The following MYCBP2 variants were observed in gnomAD, a reference collection of about 807,000 sequenced individuals.
The protein encoded by MYCBP2 is MYC binding protein 2, also known as E3 ubiquitin-protein ligase MYCBP2.
Under a neutral mutation model 525.3 loss-of-function variants are expected in MYCBP2, and 120 were observed. The observed-to-expected ratio is 0.23, with a 90% CI of 0.20 to 0.27. MYCBP2 has a LOEUF of 0.27. Among genes scored for constraint, MYCBP2 ranks in the 10% least tolerant of loss-of-function variants. The probability of loss-of-function intolerance (pLI) is 1.00; values close to 1 mark genes in which losing one functional copy is unlikely to be tolerated. For missense variants in MYCBP2, 4,149 were observed against 5,657.1 expected (o/e 0.73, Z 8.55); for synonymous variants, 1,894 against 1,955.8 (o/e 0.97, Z 0.83).
Position 77,273,658 on chromosome 13 carries a change from G to A in MYCBP2, c.759C>T (p.Phe253=), listed in dbSNP as rs772190765. 1 of 1,536,288 alleles carries A rather than the reference G, an allele frequency of 6.5e-7. No homozygotes were observed. Among genetic ancestry groups the A allele is most frequent in the Non-Finnish European group, 8.7e-7 (1 of 1,145,134 alleles). Residue 253 remains phenylalanine, a synonymous_variant, in exon 5 of 83, where the codon TTC becomes TTT. Coordinates refer to ENST00000544440, the MANE Select transcript of MYCBP2 (RefSeq NM_015057.5). ...GAACGGTGATTTCCAAAAGAAGCTG[G>A]AAGAGAGACTCTGTGGATAAAATAG... ...SEPPEVLESL[F]QLLLEITVRS...
intron 29 of MYCBP2, 67 bp from the exon 30 acceptor site, chr13:77,189,114 T>C (rs374616566): frequency 3.5e-6 from 4 of 1,137,470 alleles, no homozygotes; most frequent in East Asian, 5.6e-5. Context: ...TTTTAAAGTA[T>C]ATTATACATT....
intron 15 of MYCBP2, among the ~76,000 whole-genome samples, chr13:77,248,013 G>A (rs994784374): frequency 6.6e-6 from 1 of 151,854 alleles, no homozygotes; most frequent in Non-Finnish European, 1.5e-5. Flanking sequence ...AGCGGGGAGG[G>A]ATAGCATTAG....
In MYCBP2 at chr13:77,261,214, T is replaced by C. The variant is rs905106736; in HGVS notation, c.1809A>G (p.Ile603Met). ...CTTTACTAGCAGATCCTGTAAAGAA[T>C]ATGCTCCCATCTTCTGCAACTAAAA... The part of the protein sequence containing the change: ...HALLVAEDGS[I>M]FFTGSASKGE... The change falls in exon 12 of 83, where the codon ATA becomes ATG. Residue 603 changes from isoleucine to methionine, a missense_variant. By Grantham distance (10) the Ile-to-Met change is conservative. This residue lies in a region of MYCBP2 where 262 missense variants were observed against 419.3 expected (regional missense o/e 0.62). Coordinates refer to ENST00000544440, the MANE Select transcript of MYCBP2 (RefSeq NM_015057.5). 6 of 1,613,512 alleles carry C rather than the reference T, an allele frequency of 3.7e-6. No individual in the cohort carries two copies. Among genetic ancestry groups the C allele is most frequent in the Non-Finnish European group, 5.1e-6 (6 of 1,179,646 alleles).
chr13:77,234,409 C>T (rs993944552), intron 17 of MYCBP2, among the ~76,000 whole-genome samples: 3 of 151,684 alleles, frequency 2.0e-5, no homozygotes, highest in Non-Finnish European at 2.9e-5. Context: ...AGCCTACTGC[C>T]CTCTAATAAA....
At position 77,110,369 on chromosome 13, in the gene MYCBP2, A is replaced by C. The variant is rs534442229; in HGVS notation, c.8140+11004T>G. 8.5e-5 allele frequency among the ~76,000 whole-genome samples: 13 copies of C among 152,280 alleles called. No individual in the cohort carries two copies. In the South Asian group the frequency reaches 2.7e-3, roughly 32 times the overall value. On this transcript the variant is annotated intron_variant, in intron 55 of 82. Transcript: ENST00000544440. Reference sequence around the variant, plus strand: ...ACCCTCAGGCTCAGAAGGCGGGGAAAAAACCCCACCCTGGTGAAATTGAGG... The same window carrying C: ...ACCCTCAGGCTCAGAAGGCGGGGAACAAACCCCACCCTGGTGAAATTGAGG...
chr13:77,223,064 T>G (rs1355485960), intron 20 of MYCBP2, among the ~76,000 whole-genome samples: 3 of 152,228 alleles, frequency 2.0e-5, no homozygotes. Context: ...TACTCCTGTT[T>G]CCATGGTGAG....
intron 22 of MYCBP2, 116 bp downstream of exon 22, chr13:77,211,840 G>C (rs1303910436): frequency 8.8e-6 from 7 of 793,154 alleles, no homozygotes; most frequent in Non-Finnish European, 1.4e-5. Flanking sequence ...AAATTTCTTT[G>C]AGCAGAAAGA....
intron 72 of MYCBP2, among the ~76,000 whole-genome samples, chr13:77,065,059 T>C (rs1458369863): frequency 6.6e-6 from 1 of 152,154 alleles, no homozygotes; most frequent in Non-Finnish European, 1.5e-5. Flanking sequence ...GTTTGAGAAG[T>C]TTGTCACTTA....
At position 77,150,898 on chromosome 13, in the gene MYCBP2, CTTG is replaced by C. The variant is rs2056363624; in HGVS notation, c.6964_6966del (p.Gln2322del). 1.9e-6 allele frequency: 3 copies of C among 1,614,080 alleles called. No homozygotes were observed. Among genetic ancestry groups the C allele is most frequent in the Non-Finnish European group, 2.5e-6 (3 of 1,180,000 alleles). ...ATCCTTTGAGGTTTCTTTGCTTGAT[CTTG>C]TTGTAAAGACATTTTTTTCTGAGAA... On this transcript the variant is annotated inframe_deletion, in exon 47 of 83. Coordinates refer to ENST00000544440, the MANE Select transcript of MYCBP2 (RefSeq NM_015057.5).
intron 55 of MYCBP2, among the ~76,000 whole-genome samples, chr13:77,116,315 C>T (rs988825085): frequency 6.6e-6 from 1 of 151,820 alleles, no homozygotes; most frequent in Non-Finnish European, 1.5e-5. Flanking sequence ...TAAGAATAAG[C>T]CATCTTCTAA....
chr13:77,279,337 A>G lies in MYCBP2; in HGVS notation c.595-426T>C, dbSNP rs573006326. Among the ~76,000 whole-genome samples the G allele has an allele frequency of 4.6e-5, 7 of 152,304 alleles. No individual in the cohort carries two copies. In the South Asian group the frequency reaches 1.5e-3, roughly 32 times the overall value. ...GTAGGATGATCACAAAACAATTTAAAACTGCTTAGCTAAAAATATCACTGG... is the reference window on the plus strand; with the variant it reads ...GTAGGATGATCACAAAACAATTTAAGACTGCTTAGCTAAAAATATCACTGG... On this transcript the variant is annotated intron_variant, in intron 3 of 82. Coordinates refer to ENST00000544440, the MANE Select transcript of MYCBP2 (RefSeq NM_015057.5).
At chr13:77,082,394 A>G (rs1214897259) in intron 63 of MYCBP2, among the ~76,000 whole-genome samples, 1 of 152,184 alleles carries the variant, frequency 6.6e-6, no homozygotes, top group Non-Finnish European at 1.5e-5. Context: ...AAATCTTGTG[A>G]GGAGGACAAA....
intron 70 of MYCBP2, 58 bp from the exon 71 acceptor site, chr13:77,067,922 T>C: frequency 6.7e-7 from 1 of 1,493,590 alleles, no homozygotes; most frequent in Non-Finnish European, 9.0e-7. Flanking sequence ...TTAAGGTTTC[T>C]TTTATTTCTC....
rs559644658 is a variant in MYCBP2 at position 77,154,593 on chromosome 13, C to T, written c.6915+1465G>A. On this transcript the variant is annotated intron_variant, in intron 46 of 82. Transcript: ENST00000544440. ...AATACAACTAAAGAAATATCAGAAG[C>T]GTAACAGTATGAACATGGTATTAGA... 3.3e-5 allele frequency among the ~76,000 whole-genome samples: 5 copies of T among 151,972 alleles called. No individual in the cohort carries two copies. The South Asian group carries it at 6.2e-4, about 19-fold the overall frequency.
At chr13:77,249,459 C>T (rs1002082538) in intron 15 of MYCBP2, among the ~76,000 whole-genome samples, 6 of 152,052 alleles carry the variant, frequency 3.9e-5, no homozygotes, top group South Asian at 2.1e-4. Context: ...GAGGAAAAAA[C>T]GAAGAATAAT....
At position 77,083,148 on chromosome 13, in the gene MYCBP2, C is replaced by G. The variant is rs138588879; in HGVS notation, c.10920G>C (p.Val3640=). 1 of 1,613,438 alleles carries G rather than the reference C, an allele frequency of 6.2e-7. No homozygotes were observed. Among genetic ancestry groups the G allele is most frequent in the African/African-American group, 1.3e-5 (1 of 74,932 alleles). Reference sequence around the variant, plus strand: ...AAGGATGAGCAGCTTCCCCGGCAATCACTATGTCTGAGAGTGGATGTTCAC... The same window carrying G: ...AAGGATGAGCAGCTTCCCCGGCAATGACTATGTCTGAGAGTGGATGTTCAC... ...RVCEHPLSDI[V]IAGEAAHPLP... The change falls in exon 63 of 83, where the codon GTG becomes GTC. Residue 3640 remains valine, a synonymous_variant. Coordinates refer to ENST00000544440, the MANE Select transcript of MYCBP2 (RefSeq NM_015057.5).
intron 33 of MYCBP2, among the ~76,000 whole-genome samples, chr13:77,180,812 T>C (rs1387548123): frequency 6.6e-6 from 1 of 152,078 alleles, no homozygotes; most frequent in Non-Finnish European, 1.5e-5. Context: ...CCCAGCTACT[T>C]GGGAGGCTGA....
chr13:77,070,298 C>T (rs2040955652), intron 69 of MYCBP2, among the ~76,000 whole-genome samples: 1 of 152,140 alleles, frequency 6.6e-6, no homozygotes, highest in Non-Finnish European at 1.5e-5. Flanking sequence ...TTTCAAAATA[C>T]TTTATACCAA....
At chr13:77,199,445 G>GGCAGCA (rs2062182543) in intron 26 of MYCBP2, among the ~76,000 whole-genome samples, 2 of 152,206 alleles carry the variant, frequency 1.3e-5, no homozygotes, top group Non-Finnish European at 2.9e-5. Flanking sequence ...CAAACTGCAA[G>GGCAGCA]GCGGCAGCGA....
Sources: gnomAD v4.1 joint callset for allele counts (sites outside exome capture counted in the v4.1 genomes callset) on GRCh38, gnomAD v4.1.1 for gene constraint, gnomAD v4.1.1 regional missense constraint, MANE v1.5 for transcripts, NCBI Gene and HGNC (gene_info 2026-07-23, HGNC 2026-07-21) for gene names.